IL15: variants seen among roughly 807,000 people sequenced by gnomAD.
IL15 encodes interleukin 15, also known as interleukin-15.
IL15 carries 11 observed loss-of-function variants against 19.6 expected under a neutral mutation model. That is an observed-to-expected ratio of 0.56 (90% confidence interval 0.35 to 0.93). The LOEUF (loss-of-function observed/expected upper bound fraction) is 0.93, where lower values mean the gene tolerates loss of function less well. Ranked by LOEUF, IL15 falls within the 40% of genes least tolerant of loss-of-function variation. IL15 has a pLI of 0.01. For synonymous variants in IL15, 58 were observed against 59.6 expected, an observed-to-expected ratio of 0.97 and a Z score of 0.12; for missense variants, 197 against 186.5, an observed-to-expected ratio of 1.06 and a Z score of -0.33.
At chr4:141,659,486 C>G (rs1727719302) in intron 2 of IL15, among the ~76,000 whole-genome samples, 1 of 152,174 alleles carries the variant, frequency 6.6e-6, no homozygotes. Context: ...CAGGCATGAG[C>G]CACTGCACCT....
chr4:141,713,164 T>C (rs1229814872), intron 2 of IL15, among the ~76,000 whole-genome samples: 2 of 152,174 alleles, frequency 1.3e-5, no homozygotes, highest in Non-Finnish European at 2.9e-5. Context: ...TTGGTGTCAA[T>C]TTAAAACAGT....
At chr4:141,699,122 G>A (rs1000896788) in intron 2 of IL15, among the ~76,000 whole-genome samples, 10 of 152,086 alleles carry the variant, frequency 6.6e-5, no homozygotes, top group African/African-American at 2.2e-4. Context: ...AAATTTCCAT[G>A]TATTTATAAA....
chr4:141,700,659 A>C (rs986844328), intron 2 of IL15, among the ~76,000 whole-genome samples: 2 of 152,182 alleles, frequency 1.3e-5, no homozygotes, highest in Non-Finnish European at 2.9e-5. Flanking sequence ...TTGTATTTGC[A>C]GGTCTAGATC....
chr4:141,714,268 C>T (rs907794819), intron 2 of IL15, among the ~76,000 whole-genome samples: 3 of 152,210 alleles, frequency 2.0e-5, no homozygotes, highest in Non-Finnish European at 2.9e-5. Flanking sequence ...ACTCAGCCCT[C>T]GCCCCCTCTT....
At chr4:141,690,034 C>T (rs763927583) in intron 2 of IL15, among the ~76,000 whole-genome samples, 1 of 152,192 alleles carries the variant, frequency 6.6e-6, no homozygotes, top group East Asian at 1.9e-4. Context: ...GGCGAGAAAT[C>T]GAGCACAGCG....
chr4:141,667,877 T>C (rs1361223331), intron 2 of IL15, among the ~76,000 whole-genome samples: 1 of 152,200 alleles, frequency 6.6e-6, no homozygotes, highest in East Asian at 1.9e-4. Flanking sequence ...AACATCACTG[T>C]CGTCATCTAC....
At chr4:141,726,042 G>T (rs147454412) in intron 5 of IL15, among the ~76,000 whole-genome samples, 1 of 151,882 alleles carries the variant, frequency 6.6e-6, no homozygotes, top group Non-Finnish European at 1.5e-5. Flanking sequence ...TTCCCTTTCC[G>T]TAATAACACA....
chr4:141,638,078 A>T (rs1726922054), intron 1 of IL15, among the ~76,000 whole-genome samples: 1 of 152,192 alleles, frequency 6.6e-6, no homozygotes, highest in Non-Finnish European at 1.5e-5. Flanking sequence ...TCAAAAAATA[A>T]ATAAATGAAT....
At chr4:141,718,239 A>G (rs1729956011) in intron 2 of IL15, 1 of 152,086 alleles carries the variant, frequency 6.6e-6, no homozygotes, top group Non-Finnish European at 1.5e-5. Context: ...TAAGAATTAT[A>G]TCACCCATGG....
At chr4:141,637,241 C>T (rs1225269721) in intron 1 of IL15, 1 of 152,442 alleles carries the variant, frequency 6.6e-6, no homozygotes, top group African/African-American at 2.4e-5. Flanking sequence ...CAGCTCCCCA[C>T]TTCCTAACTG....
intron 7 of IL15, among the ~76,000 whole-genome samples, chr4:141,731,358 T>G (rs1730446162): frequency 6.6e-6 from 1 of 152,220 alleles, no homozygotes; most frequent in Non-Finnish European, 1.5e-5. Context: ...GTTTTTGTTT[T>G]TTATTAGTAC....
At chr4:141,673,533 A>G (rs138423078) in intron 2 of IL15, among the ~76,000 whole-genome samples, 327 of 152,278 alleles carry the variant, frequency 2.1e-3, no homozygotes, top group African/African-American at 7.5e-3. Context: ...AAAATTTTCT[A>G]CAGCTTCCTT....
intron 2 of IL15, among the ~76,000 whole-genome samples, chr4:141,667,134 C>G (rs1728014828): frequency 2.0e-5 from 3 of 152,150 alleles, no homozygotes; most frequent in Non-Finnish European, 1.5e-5. Flanking sequence ...CCCTTTAGAC[C>G]TCACCCTATG....
At chr4:141,663,145 T>C (rs1323583523) in intron 2 of IL15, among the ~76,000 whole-genome samples, 2 of 152,158 alleles carry the variant, frequency 1.3e-5, no homozygotes, top group Admixed American at 1.3e-4. Flanking sequence ...GGTCTAAAAA[T>C]CATATGTTAA....
intron 2 of IL15, among the ~76,000 whole-genome samples, chr4:141,687,470 G>T (rs1183459139): frequency 6.6e-6 from 1 of 152,088 alleles, no homozygotes; most frequent in Non-Finnish European, 1.5e-5. Context: ...AGAAGGTGAG[G>T]ACAGGCTAGG....
intron 2 of IL15, among the ~76,000 whole-genome samples, chr4:141,703,064 G>A (rs535679805): frequency 6.6e-6 from 1 of 152,288 alleles, no homozygotes; most frequent in Admixed American, 6.5e-5. Flanking sequence ...GCCTCATCCA[G>A]CTCCTTGCAG....
At chr4:141,685,883 G>A (rs1270365520) in intron 2 of IL15, among the ~76,000 whole-genome samples, 1 of 151,890 alleles carries the variant, frequency 6.6e-6, no homozygotes, top group African/African-American at 2.4e-5. Context: ...TTTGTATTTT[G>A]TTATTCTTAC....
intron 2 of IL15, among the ~76,000 whole-genome samples, chr4:141,704,054 T>A (rs1483231574): frequency 6.6e-6 from 1 of 152,228 alleles, no homozygotes; most frequent in Admixed American, 6.5e-5. Context: ...CTTTTATTTA[T>A]CTGGCCTAAT....
intron 1 of IL15, among the ~76,000 whole-genome samples, chr4:141,652,691 A>T (rs1321504633): frequency 2.0e-5 from 3 of 152,164 alleles, no homozygotes; most frequent in Admixed American, 2.0e-4. Flanking sequence ...GAAGAATGGC[A>T]GCCAAGCCTA....
Sources: gnomAD v4.1 joint callset for allele counts (sites outside exome capture counted in the v4.1 genomes callset) on GRCh38, gnomAD v4.1.1 for gene constraint, MANE v1.5 for transcripts, NCBI Gene and HGNC (gene_info 2026-07-23, HGNC 2026-07-21) for gene names.